DACH1: variants seen among roughly 807,000 people sequenced by gnomAD.
DACH1 encodes the protein dachshund family transcription factor 1.
In DACH1, 12 loss-of-function variants were observed where a neutral mutation model predicts 54.2. The ratio of observed to expected loss-of-function variants is 0.22; its 90% CI spans 0.14 to 0.36. The LOEUF (loss-of-function observed/expected upper bound fraction) is 0.36, where lower values mean the gene tolerates loss of function less well. Among genes scored for constraint, DACH1 ranks in the 10% least tolerant of loss-of-function variants. The pLI is 1.00. For missense variants in DACH1, 805 were observed against 929.8 expected (o/e 0.87, Z 1.75); for synonymous variants, 386 against 366.2 (o/e 1.05, Z -0.62).
intron 6 of DACH1, among the ~76,000 whole-genome samples, chr13:71,519,683 A>G (rs955913848): frequency 1.3e-4 from 19 of 151,206 alleles, no homozygotes; most frequent in African/African-American, 4.6e-4. Context: ...GGTAAATATA[A>G]TTGTTAAGAT....
chr13:71,693,627 T>C (rs1881653722), intron 1 of DACH1, among the ~76,000 whole-genome samples: 1 of 152,066 alleles, frequency 6.6e-6, no homozygotes. Context: ...CTGGTTTTGC[T>C]TTTCGAGTTC....
chr13:71,712,686 A>T (rs1048681188), intron 1 of DACH1, among the ~76,000 whole-genome samples: 1 of 152,024 alleles, frequency 6.6e-6, no homozygotes, highest in Non-Finnish European at 1.5e-5. Flanking sequence ...GTAAACAAAA[A>T]TTTTTTTAAT....
chr13:71,621,786 C>T (rs551810831), intron 3 of DACH1, among the ~76,000 whole-genome samples: 1 of 152,118 alleles, frequency 6.6e-6, no homozygotes, highest in South Asian at 2.1e-4. Context: ...AACAGATCTG[C>T]CCTTTGTGAA....
rs1050460015 is a variant in DACH1 at position 71,613,956 on chromosome 13, G to A, written c.1126+16600C>T. On this transcript the variant is annotated intron_variant, in intron 3 of 10. Coordinates refer to ENST00000613252, the MANE Select transcript of DACH1 (RefSeq NM_080759.6). Reference sequence around the variant, plus strand: ...CCTGCCTTGGCTTCCAAAAAGTACCGGGATTACAGACATGAGCCACCACGC... The same window carrying A: ...CCTGCCTTGGCTTCCAAAAAGTACCAGGATTACAGACATGAGCCACCACGC... 3.3e-5 allele frequency among the ~76,000 whole-genome samples: 5 copies of A among 152,074 alleles called. No homozygotes were observed. In the East Asian group the frequency reaches 7.7e-4, roughly 24 times the overall value.
At position 71,510,407 on chromosome 13, in the gene DACH1, T is replaced by A. The variant is rs74095955; in HGVS notation, c.1571-21259A>T. On this transcript the variant is annotated intron_variant, in intron 6 of 10. Transcript: ENST00000613252. ...TATCTAATAGATATCCTAAAAAAAA[T>A]GTTCAAAAAATGAACACTTCATTAT... Among the ~76,000 whole-genome samples the A allele has an allele frequency of 4.8e-3, 727 of 152,042 alleles. 7 individuals carry two copies. The highest frequency in any genetic ancestry group is 0.016 in the African/African-American group (667 of 41,522).
At chr13:71,710,845 T>C (rs1882690242) in intron 1 of DACH1, among the ~76,000 whole-genome samples, 1 of 152,188 alleles carries the variant, frequency 6.6e-6, no homozygotes. Context: ...TAGGGTTTGA[T>C]AGTCTTTGAG....
intron 1 of DACH1, among the ~76,000 whole-genome samples, chr13:71,838,009 AG>A (rs1227905969): frequency 7.1e-5 from 3 of 42,040 alleles, no homozygotes. Flanking sequence ...TGTGGTGGGG[AG>A]GGGGGAGGGG....
chr13:71,667,287 C>A (rs987280295), intron 2 of DACH1, among the ~76,000 whole-genome samples: 1 of 152,028 alleles, frequency 6.6e-6, no homozygotes, highest in Non-Finnish European at 1.5e-5. Flanking sequence ...CATAGAAACT[C>A]CAGAAGCAAT....
chr13:71,664,677 T>G (rs1017198057), intron 2 of DACH1, among the ~76,000 whole-genome samples: 7 of 152,004 alleles, frequency 4.6e-5, no homozygotes, highest in African/African-American at 1.7e-4. Flanking sequence ...ACATATTCCA[T>G]AGATTTTTGA....
At chr13:71,811,694 T>G (rs2138152231) in intron 1 of DACH1, among the ~76,000 whole-genome samples, 1 of 152,296 alleles carries the variant, frequency 6.6e-6, no homozygotes, top group Non-Finnish European at 1.5e-5. Flanking sequence ...ACCTGCCATG[T>G]TGGTGCAGAG....
chr13:71,592,249 T>C (rs1372800131), intron 3 of DACH1, among the ~76,000 whole-genome samples: 1 of 151,900 alleles, frequency 6.6e-6, no homozygotes, highest in Non-Finnish European at 1.5e-5. Flanking sequence ...CCATGGCTCA[T>C]GCCTGTAATC....
In DACH1 at chr13:71,652,431, T is replaced by C. The variant is rs182627836; in HGVS notation, c.965-21714A>G. On this transcript the variant is annotated intron_variant, in intron 2 of 10. Transcript: ENST00000613252. The stretch of plus-strand genomic sequence containing the variant: ...GCAATGCTTAGGCTTTCATAACCTG[T>C]CCCTCACCTACCTTTCCACATATAT... Among the ~76,000 whole-genome samples the C allele has an allele frequency of 4.9e-3, 743 of 152,204 alleles. 4 individuals carry two copies. The highest frequency in any genetic ancestry group is 0.013 in the South Asian group (62 of 4,820).
At chr13:71,618,505 T>C (rs1342320798) in intron 3 of DACH1, among the ~76,000 whole-genome samples, 1 of 152,078 alleles carries the variant, frequency 6.6e-6, no homozygotes, top group African/African-American at 2.4e-5. Context: ...ACTTTTTTCC[T>C]TGTTGTGCAT....
intron 2 of DACH1, among the ~76,000 whole-genome samples, chr13:71,656,921 C>CATATATAT (rs71123235): frequency 0.12 from 10,311 of 83,018 alleles, 903 homozygotes; most frequent in Middle Eastern, 0.25. Context: ...GTTCTTCTTT[C>CATATATAT]ATATATATAT....
chr13:71,698,178 T>A (rs1881928189), intron 1 of DACH1, among the ~76,000 whole-genome samples: 1 of 152,014 alleles, frequency 6.6e-6, no homozygotes, highest in Admixed American at 6.5e-5. Flanking sequence ...AGAGCGAGAC[T>A]CCGTCTTAAA....
chr13:71,487,631 G>C (rs531834481), intron 7 of DACH1, among the ~76,000 whole-genome samples: 2 of 152,246 alleles, frequency 1.3e-5, no homozygotes, highest in East Asian at 3.9e-4. Flanking sequence ...ACCCAGAAAC[G>C]TTTTCTCTGC....
At chr13:71,562,400 T>C (rs1221063990) in intron 4 of DACH1, among the ~76,000 whole-genome samples, 5 of 151,516 alleles carry the variant, frequency 3.3e-5, no homozygotes, top group African/African-American at 1.2e-4. Context: ...AGAGAAGAGA[T>C]GGGAAGAGGA....
At chr13:71,735,789 TA>T (rs537585158) in intron 1 of DACH1, among the ~76,000 whole-genome samples, 79 of 151,970 alleles carry the variant, frequency 5.2e-4, no homozygotes, top group African/African-American at 1.9e-3. Context: ...TTACTTCCCA[TA>T]AGGTAATCCA....
intron 2 of DACH1, among the ~76,000 whole-genome samples, chr13:71,655,739 C>A (rs966258949): frequency 6.6e-6 from 1 of 152,094 alleles, no homozygotes; most frequent in African/African-American, 2.4e-5. Context: ...ACACTTAAAT[C>A]CTTCAGTGTT....
Sources: allele counts gnomAD v4.1 joint callset (sites outside exome capture counted in the v4.1 genomes callset), GRCh38; gene constraint gnomAD v4.1.1; transcripts MANE v1.5; gene names NCBI Gene and HGNC (gene_info 2026-07-23, HGNC 2026-07-21).